Variants in STARD8 observed in about 807,000 individuals in gnomAD.
The protein encoded by STARD8 is stAR-related lipid transfer protein 8.
Under a neutral mutation model 69.4 loss-of-function variants are expected in STARD8, and 25 were observed. The ratio of observed to expected loss-of-function variants is 0.36; its 90% CI spans 0.26 to 0.50. The LOEUF is 0.50. STARD8 is among the 20% of genes least tolerant of loss of function. The pLI is 0.96. For synonymous variants in STARD8, 389 were observed against 374.6 expected (o/e 1.04, Z -0.45); for missense variants, 921 against 932.5 (o/e 0.99, Z 0.16).
At chrX:68,686,323 G>A (rs1385575586) in intron 2 of STARD8, among the ~76,000 whole-genome samples, 2 of 112,306 alleles carry the variant, frequency 1.8e-5, no homozygotes, top group Non-Finnish European at 3.8e-5. Flanking sequence ...CTCCCTCCCC[G>A]GGCTCCCCGC....
chrX:68,687,931 C>T (rs1367208785), intron 2 of STARD8, among the ~76,000 whole-genome samples: 1 of 112,606 alleles, frequency 8.9e-6, no homozygotes, highest in East Asian at 2.8e-4. Flanking sequence ...GACATGGGAG[C>T]TCCAGGAAGG....
chrX:68,682,304 A>T (rs1028622093), intron 2 of STARD8, among the ~76,000 whole-genome samples: 2 of 112,429 alleles, frequency 1.8e-5, no homozygotes, highest in Admixed American at 9.4e-5. Context: ...CAGTGCATTC[A>T]ATCTTTTAAT....
rs1215178287 is a variant in STARD8, at chrX:68,661,966, C to CTT, written c.46-3532_46-3531insTT. Among the ~76,000 whole-genome samples the CTT allele has an allele frequency of 2.2e-3, 159 of 71,899 alleles. 1 individual carries two copies. The highest frequency in any genetic ancestry group is 0.012 in the African/African-American group (149 of 12,299). 62.4% of individuals were successfully genotyped at this position (71,899 alleles called of 115,157 possible). ...CCTTCCTCTCTCTCTCTCTCTCTCT[C>CTT]TCTCTCTTTCTTTCTTTCTTTCTTT... is the stretch of plus-strand genomic sequence containing the variant. On this transcript the variant is annotated intron_variant, in intron 1 of 14. Coordinates refer to ENST00000374599, the MANE Select transcript of STARD8 (RefSeq NM_001142503.3).
At chrX:68,666,031 A>G (rs905641597) in intron 2 of STARD8, among the ~76,000 whole-genome samples, 2 of 111,694 alleles carry the variant, frequency 1.8e-5, no homozygotes, top group Non-Finnish European at 3.8e-5. Context: ...GGTGATATAT[A>G]TAGCCTTTTC....
In STARD8 at chrX:68,720,420, C is replaced by G. The variant is rs1395725230; in HGVS notation, c.2046C>G (p.Asp682Glu). Residue 682 changes from aspartate (D) to glutamate (E), a missense_variant, in exon 8 of 15, where the codon GAC becomes GAG. By Grantham distance (45) the Asp-to-Glu change is conservative. Coordinates refer to ENST00000374599, the MANE Select transcript of STARD8 (RefSeq NM_001142503.3). ...AMRYLRSQCL[D>E]QVGIFRKSGV... ...GCTACTTGCGCAGCCAGTGCCTGGACCAAGTGAGCCCTCGTGGGGCAGCCT... is the reference window on the plus strand; with the variant it reads ...GCTACTTGCGCAGCCAGTGCCTGGAGCAAGTGAGCCCTCGTGGGGCAGCCT... 8.6e-7 allele frequency: 1 copy of G among 1,168,481 alleles called. No homozygotes were observed. Among genetic ancestry groups the G allele is most frequent in the Non-Finnish European group, 1.1e-6 (1 of 870,598 alleles).
At chrX:68,703,868 A>G (rs1314316574) in intron 2 of STARD8, among the ~76,000 whole-genome samples, 1 of 111,382 alleles carries the variant, frequency 9.0e-6, no homozygotes, top group East Asian at 2.8e-4. Context: ...TGCCTCCACC[A>G]TCAAGCAGAG....
At chrX:68,693,582 AG>A (rs1363473555) in intron 2 of STARD8, 26 of 723,089 alleles carry the variant, frequency 3.6e-5, no homozygotes, top group Admixed American at 1.8e-4. Context: ...CCATTGGCCG[AG>A]GGGAGGTGGG....
At position 68,660,983 on chromosome X, in the gene STARD8, A is replaced by G. The variant is rs764578958; in HGVS notation, c.46-4516A>G. Among the ~76,000 whole-genome samples the G allele has an allele frequency of 3.6e-5, 4 of 111,901 alleles. No individual in the cohort carries two copies. The South Asian group carries it at 1.5e-3, about 42-fold the overall frequency. ...GAAGGCTGGGGGAGGCTGGAATGTG[A>G]AGAACGTGCTCTCATGACTGTGGTC... On this transcript the variant is annotated intron_variant, in intron 1 of 14. Coordinates refer to ENST00000374599, the MANE Select transcript of STARD8 (RefSeq NM_001142503.3).
intron 1 of STARD8, among the ~76,000 whole-genome samples, chrX:68,654,476 C>T (rs1214454500): frequency 9.0e-6 from 1 of 111,592 alleles, no homozygotes; most frequent in Non-Finnish European, 1.9e-5. Context: ...GTGAACCTCC[C>T]AGTCGTGGGC....
chrX:68,649,235 T>C (rs1389478379), intron 1 of STARD8, among the ~76,000 whole-genome samples: 2 of 110,010 alleles, frequency 1.8e-5, no homozygotes, highest in African/African-American at 6.7e-5. Context: ...AGTCCAAAAG[T>C]GGGGGAAGGG....
chrX:68,673,659 G>A (rs749371694), intron 2 of STARD8, among the ~76,000 whole-genome samples: 1 of 112,372 alleles, frequency 8.9e-6, no homozygotes, highest in South Asian at 3.7e-4. Context: ...TAAAAGTGTG[G>A]ATCATTTTGG....
chrX:68,671,798 T>C (rs1039277374), intron 2 of STARD8, among the ~76,000 whole-genome samples: 1 of 112,087 alleles, frequency 8.9e-6, no homozygotes, highest in African/African-American at 3.2e-5. Context: ...ACTTAAGGAC[T>C]ATATTAACCC....
At chrX:68,722,363 G>T in intron 11 of STARD8, 59 bp from the exon 12 acceptor site, 1 of 1,070,807 alleles carries the variant, frequency 9.3e-7, no homozygotes, top group South Asian at 2.2e-5. Flanking sequence ...GAACCTGACA[G>T]ACCCCATGGG....
intron 4 of STARD8, among the ~76,000 whole-genome samples, chrX:68,715,978 TAC>T (rs1207074993): frequency 8.9e-6 from 1 of 112,376 alleles, no homozygotes; most frequent in Non-Finnish European, 1.9e-5. Flanking sequence ...ACTGTATACC[TAC>T]AGTGTCCTGT....
At chrX:68,679,707 T>C (rs2079789030) in intron 2 of STARD8, among the ~76,000 whole-genome samples, 1 of 112,211 alleles carries the variant, frequency 8.9e-6, no homozygotes, top group South Asian at 3.7e-4. Context: ...ATGGGGCCTC[T>C]CATTGCACAG....
chrX:68,676,418 A>G (rs2079765790), intron 2 of STARD8, among the ~76,000 whole-genome samples: 2 of 112,389 alleles, frequency 1.8e-5, no homozygotes, highest in Admixed American at 1.9e-4. Flanking sequence ...CCTACCCACT[A>G]TATGCAACTA....
At chrX:68,712,157 G>A (rs1185885574) in intron 2 of STARD8, among the ~76,000 whole-genome samples, 3 of 112,051 alleles carry the variant, frequency 2.7e-5, no homozygotes, top group African/African-American at 9.7e-5. Context: ...CCAAGACCCC[G>A]ACAGGCCAGT....
At chrX:68,686,601 G>C (rs1210815341) in intron 2 of STARD8, among the ~76,000 whole-genome samples, 1 of 113,069 alleles carries the variant, frequency 8.8e-6, no homozygotes, top group Non-Finnish European at 1.9e-5. Context: ...GCTGAGCTGC[G>C]CTTCGCGGAG....
chrX:68,670,693 C>A (rs1344619365), intron 2 of STARD8, among the ~76,000 whole-genome samples: 4 of 110,923 alleles, frequency 3.6e-5, no homozygotes, highest in Admixed American at 9.5e-5. Context: ...GACACTTCCA[C>A]CAGAAGGTCC....
Sources: gnomAD v4.1 joint callset for allele counts (sites outside exome capture counted in the v4.1 genomes callset) on GRCh38, gnomAD v4.1.1 for gene constraint, MANE v1.5 for transcripts, NCBI Gene and HGNC (gene_info 2026-07-23, HGNC 2026-07-21) for gene names.